CDH12: variants seen among roughly 807,000 people sequenced by gnomAD.
CDH12 encodes the protein cadherin 12.
CDH12 carries 41 observed loss-of-function variants against 74.1 expected under a neutral mutation model. The observed-to-expected ratio is 0.55, with a 90% CI of 0.43 to 0.72. The LOEUF (loss-of-function observed/expected upper bound fraction) is 0.72. Ranked by LOEUF, CDH12 falls within the 30% of genes least tolerant of loss-of-function variation. The pLI, the probability that CDH12 is intolerant of heterozygous loss-of-function variation, is 0.00. For synonymous variants in CDH12, 399 were observed against 355.0 expected, an observed-to-expected ratio of 1.12 and a Z score of -1.39; for missense variants, 945 against 977.2, an observed-to-expected ratio of 0.97 and a Z score of 0.44.
chr5:21,811,135 T>C (rs1196155985), intron 9 of CDH12, among the ~76,000 whole-genome samples: 1 of 152,098 alleles, frequency 6.6e-6, no homozygotes, highest in Non-Finnish European at 1.5e-5. Context: ...TATGTTAATT[T>C]GAAATAAACT....
At chr5:22,648,434 T>C (rs540343148) in intron 1 of CDH12, among the ~76,000 whole-genome samples, 4 of 151,932 alleles carry the variant, frequency 2.6e-5, no homozygotes, top group African/African-American at 7.2e-5. Flanking sequence ...TGGACAGATC[T>C]GACTGAGCAA....
chr5:22,128,411 A>G (rs1745999173), intron 4 of CDH12, among the ~76,000 whole-genome samples: 1 of 145,710 alleles, frequency 6.9e-6, no homozygotes, highest in African/African-American at 2.5e-5. Context: ...AAGTCCAGCT[A>G]GTTTTTTTTT....
chr5:22,292,334 G>T (rs374767929), intron 3 of CDH12, among the ~76,000 whole-genome samples: 5,433 of 98,706 alleles, frequency 0.055, 322 homozygotes, highest in African/African-American at 0.17. Flanking sequence ...TGGGGTTTTT[G>T]GTTTTTGTTT....
chr5:21,813,795 T>C (rs1251570411), intron 9 of CDH12, among the ~76,000 whole-genome samples: 1 of 152,182 alleles, frequency 6.6e-6, no homozygotes, highest in South Asian at 2.1e-4. Flanking sequence ...GAAGTCTTTT[T>C]TTATTTTTCA....
chr5:22,709,787 G>A (rs1743200205), intron 1 of CDH12, among the ~76,000 whole-genome samples: 1 of 152,178 alleles, frequency 6.6e-6, no homozygotes, highest in Non-Finnish European at 1.5e-5. Context: ...GACCAACATT[G>A]AGAGCTCAGA....
At chr5:22,186,331 C>T (rs542163844) in intron 4 of CDH12, among the ~76,000 whole-genome samples, 1 of 152,220 alleles carries the variant, frequency 6.6e-6, no homozygotes, top group Admixed American at 6.5e-5. Context: ...TTGAATTTAT[C>T]AGAAAAAGCT....
At chr5:22,355,044 AG>A (rs1740503778) in intron 3 of CDH12, among the ~76,000 whole-genome samples, 1 of 152,150 alleles carries the variant, frequency 6.6e-6, no homozygotes, top group Admixed American at 6.6e-5. Context: ...AAACCCACAA[AG>A]CATGCTGTTT....
intron 1 of CDH12, among the ~76,000 whole-genome samples, chr5:22,567,097 G>A (rs1739322136): frequency 6.6e-6 from 1 of 152,066 alleles, no homozygotes; most frequent in South Asian, 2.1e-4. Context: ...ATAACTCCTC[G>A]GATGTTTTAA....
chr5:21,844,448 A>G (rs752225836), intron 7 of CDH12, among the ~76,000 whole-genome samples: 1 of 152,088 alleles, frequency 6.6e-6, no homozygotes, highest in Non-Finnish European at 1.5e-5. Flanking sequence ...CCTGGTCATC[A>G]CTAGAAATTG....
At chr5:22,583,510 A>C (rs568653627) in intron 1 of CDH12, among the ~76,000 whole-genome samples, 1 of 152,336 alleles carries the variant, frequency 6.6e-6, no homozygotes, top group Admixed American at 6.5e-5. Flanking sequence ...AAAATAAGAT[A>C]ATGAAATAAC....
chr5:22,479,779 CA>C (rs1269284805), intron 2 of CDH12, among the ~76,000 whole-genome samples: 9 of 152,096 alleles, frequency 5.9e-5, no homozygotes, highest in African/African-American at 1.9e-4. Context: ...AATGAGCGCA[CA>C]TTTGTTTGCC....
chr5:22,373,670 T>TACAA (rs1219110139), intron 3 of CDH12, among the ~76,000 whole-genome samples: 6 of 152,278 alleles, frequency 3.9e-5, no homozygotes, highest in Admixed American at 3.9e-4. Context: ...AAATAACAGA[T>TACAA]ACAACTGATG....
intron 1 of CDH12, among the ~76,000 whole-genome samples, chr5:22,794,934 T>TTA (rs1013473605): frequency 2.0e-5 from 3 of 152,114 alleles, no homozygotes; most frequent in South Asian, 2.1e-4. Context: ...TGTTTTGATG[T>TTA]TATATATATA....
At chr5:21,839,457 G>A (rs1052858860) in intron 8 of CDH12, among the ~76,000 whole-genome samples, 1 of 152,082 alleles carries the variant, frequency 6.6e-6, no homozygotes, top group Non-Finnish European at 1.5e-5. Context: ...CTTATTGGGA[G>A]TGGGATGGCT....
intron 1 of CDH12, among the ~76,000 whole-genome samples, chr5:22,670,495 A>G (rs550980159): frequency 2.5e-4 from 38 of 152,238 alleles, no homozygotes; most frequent in Non-Finnish European, 4.7e-4. Context: ...GCTCACTTCT[A>G]TATATTTCTA....
chr5:22,322,379 C>A (rs1400654655), intron 3 of CDH12, among the ~76,000 whole-genome samples: 3 of 131,508 alleles, frequency 2.3e-5, no homozygotes, highest in Non-Finnish European at 1.6e-5. Flanking sequence ...AAAAAAAAAA[C>A]ATGGTAATCT....
At chr5:22,585,518 G>C (rs891530717) in intron 1 of CDH12, among the ~76,000 whole-genome samples, 1 of 151,738 alleles carries the variant, frequency 6.6e-6, no homozygotes, top group Non-Finnish European at 1.5e-5. Context: ...TATCTTCTTC[G>C]GGAAAATCCC....
At chr5:22,351,777 C>T (rs1580553049) in intron 3 of CDH12, among the ~76,000 whole-genome samples, 2 of 151,958 alleles carry the variant, frequency 1.3e-5, no homozygotes, top group East Asian at 3.8e-4. Flanking sequence ...TAACATATGC[C>T]CCATGGAGGC....
intron 9 of CDH12, among the ~76,000 whole-genome samples, chr5:21,811,070 T>C (rs187048935): frequency 1.4e-4 from 22 of 152,268 alleles, no homozygotes; most frequent in Non-Finnish European, 2.2e-4. Context: ...ATTTATCTCA[T>C]ACGTTTTTAA....
Sources: allele counts gnomAD v4.1 joint callset (sites outside exome capture counted in the v4.1 genomes callset), GRCh38; gene constraint gnomAD v4.1.1; transcripts MANE v1.5; gene names NCBI Gene and HGNC (gene_info 2026-07-23, HGNC 2026-07-21).